The following EPB41 variants were observed in gnomAD, a reference collection of about 807,000 sequenced individuals.
EPB41 encodes the protein protein 4.1.
EPB41 carries 65 observed loss-of-function variants against 108.0 expected under a neutral mutation model. The observed-to-expected ratio is 0.60, with a 90% CI of 0.49 to 0.74. The LOEUF is 0.74. EPB41 is among the 30% of genes least tolerant of loss of function. EPB41 has a pLI of 0.00. For synonymous variants in EPB41, 336 were observed against 358.9 expected, an observed-to-expected ratio of 0.94 and a Z score of 0.72; for missense variants, 875 against 1,037.0, an observed-to-expected ratio of 0.84 and a Z score of 2.15.
intron 7 of EPB41, among the ~76,000 whole-genome samples, chr1:29,021,931 T>C (rs2096651547): frequency 6.6e-6 from 1 of 152,170 alleles, no homozygotes; most frequent in South Asian, 2.1e-4. Flanking sequence ...TGACAAACTA[T>C]GATTATTCGG....
At chr1:28,963,227 A>G (rs941930351) in intron 1 of EPB41, among the ~76,000 whole-genome samples, 4 of 152,128 alleles carry the variant, frequency 2.6e-5, no homozygotes, top group Non-Finnish European at 4.4e-5. Flanking sequence ...CAATGCTTCT[A>G]TTTATTTTGA....
chr1:28,933,453 CTG>C (rs1184600658), intron 1 of EPB41, among the ~76,000 whole-genome samples: 1 of 152,174 alleles, frequency 6.6e-6, no homozygotes, highest in Non-Finnish European at 1.5e-5. Context: ...ATGTGCAGCA[CTG>C]TGATTGGATT....
intron 1 of EPB41, among the ~76,000 whole-genome samples, chr1:28,892,964 AG>A (rs1173239552): frequency 2.0e-5 from 3 of 151,712 alleles, no homozygotes; most frequent in African/African-American, 7.3e-5. Context: ...CCACCATGCC[AG>A]GCTAATTTTG....
At chr1:29,035,752 G>C (rs553062899) in intron 9 of EPB41, 74 bp from the exon 10 acceptor site, 1 of 1,087,838 alleles carries the variant, frequency 9.2e-7, no homozygotes, top group South Asian at 1.3e-5. Context: ...TATTTCTCTG[G>C]TACTGTATCA....
At chr1:29,058,695 T>C in intron 13 of EPB41, 50 bp downstream of exon 13, 1 of 1,588,860 alleles carries the variant, frequency 6.3e-7, no homozygotes, top group Non-Finnish European at 8.6e-7. Flanking sequence ...CCCCTCAGTT[T>C]TTTTCTTCTC....
intron 6 of EPB41, among the ~76,000 whole-genome samples, chr1:29,017,842 G>A (rs1329168623): frequency 2.0e-5 from 3 of 152,022 alleles, no homozygotes; most frequent in Non-Finnish European, 4.4e-5. Context: ...TTTTTTATGT[G>A]TGTGTGTGAA....
chr1:28,892,372 G>T (rs1420204493), intron 1 of EPB41, among the ~76,000 whole-genome samples: 1 of 152,122 alleles, frequency 6.6e-6, no homozygotes, highest in African/African-American at 2.4e-5. Flanking sequence ...CATCAACCCT[G>T]TGAGGTGGAT....
chr1:29,106,788 G>T (rs1358497922), intron 17 of EPB41, among the ~76,000 whole-genome samples: 5 of 151,002 alleles, frequency 3.3e-5, no homozygotes, highest in Non-Finnish European at 7.4e-5. Context: ...TGGTCAGCTG[G>T]TCTTGAACTC....
intron 1 of EPB41, among the ~76,000 whole-genome samples, chr1:28,977,307 T>G (rs1051951123): frequency 2.0e-5 from 3 of 152,094 alleles, no homozygotes; most frequent in Non-Finnish European, 4.4e-5. Flanking sequence ...CAAGAAGCAT[T>G]AATGGAGCAC....
intron 1 of EPB41, among the ~76,000 whole-genome samples, chr1:28,888,516 G>A (rs2089715905): frequency 6.6e-6 from 1 of 152,240 alleles, no homozygotes; most frequent in South Asian, 2.1e-4. Flanking sequence ...AGTCTAAGGA[G>A]CACCTACTGG....
intron 16 of EPB41, among the ~76,000 whole-genome samples, chr1:29,074,754 A>G (rs944553534): frequency 2.0e-5 from 3 of 152,234 alleles, no homozygotes; most frequent in African/African-American, 7.2e-5. Context: ...AAGATAAAGT[A>G]GTTTGTTCCC....
intron 11 of EPB41, chr1:29,041,147 T>TAAA (rs370795631): frequency 2.8e-5 from 4 of 141,338 alleles, no homozygotes; most frequent in African/African-American, 1.1e-4. Flanking sequence ...AATAAATAAA[T>TAAA]TAAATAAATA....
At position 29,117,744 on chromosome 1, in the gene EPB41, G is replaced by C. The variant is rs533104914; in HGVS notation, c.*932G>C. 3.9e-5 allele frequency: 6 copies of C among 152,606 alleles called. No individual in the cohort carries two copies. The highest frequency in any genetic ancestry group is 8.8e-5 in the Non-Finnish European group (6 of 68,040). 9.5% of individuals were successfully genotyped at this position (152,606 alleles called of 1,614,324 possible). The stretch of plus-strand genomic sequence containing the variant: ...AATAAGGTTTTCTAGTTTTGAGAGT[G>C]TGCACTTCACACAGGGGAATGGGGT... On this transcript the variant is annotated 3_prime_UTR_variant, in exon 21 of 21. Coordinates refer to ENST00000343067, the MANE Select transcript of EPB41 (RefSeq NM_001376013.1).
intron 16 of EPB41, among the ~76,000 whole-genome samples, chr1:29,075,236 G>A (rs1423833728): frequency 6.6e-6 from 1 of 151,124 alleles, no homozygotes; most frequent in Non-Finnish European, 1.5e-5. Flanking sequence ...CCCAGCACTC[G>A]GAAGGCCGAG....
chr1:28,946,342 C>T (rs975254412), intron 1 of EPB41, among the ~76,000 whole-genome samples: 4 of 151,992 alleles, frequency 2.6e-5, no homozygotes, highest in Admixed American at 1.3e-4. Context: ...CTCCTGACCT[C>T]GTGATCCACC....
At chr1:29,025,778 C>T (rs1419695189) in intron 7 of EPB41, among the ~76,000 whole-genome samples, 1 of 151,674 alleles carries the variant, frequency 6.6e-6, no homozygotes, top group Non-Finnish European at 1.5e-5. Flanking sequence ...GCAAGGTAGT[C>T]ATCCATGCAG....
At chr1:29,011,771 G>C in intron 4 of EPB41, 94 bp from the exon 5 acceptor site, 2 of 1,291,984 alleles carry the variant, frequency 1.5e-6, no homozygotes, top group Non-Finnish European at 2.2e-6. Flanking sequence ...TGATCTGGAG[G>C]CACTATTTGA....
chr1:29,058,775 T>C, intron 13 of EPB41, 36 bp from the exon 14 acceptor site: 1 of 1,536,798 alleles, frequency 6.5e-7, no homozygotes, highest in Non-Finnish European at 8.8e-7. Context: ...CAACATTTTA[T>C]CATTTTTCTT....
intron 16 of EPB41, chr1:29,065,966 CA>C (rs71022389): frequency 0.38 from 34,637 of 91,032 alleles, 4,101 homozygotes; most frequent in Non-Finnish European, 0.45. Context: ...GACCCTGTCT[CA>C]AAAAAAAAAA....
Sources: allele counts gnomAD v4.1 joint callset (sites outside exome capture counted in the v4.1 genomes callset), GRCh38; gene constraint gnomAD v4.1.1; transcripts MANE v1.5; gene names NCBI Gene and HGNC (gene_info 2026-07-23, HGNC 2026-07-21).